Variants in CLPTM1 observed in about 807,000 individuals in gnomAD.
CLPTM1 encodes putative lipid scramblase CLPTM1.
In CLPTM1, 21 loss-of-function variants were observed where a neutral mutation model predicts 77.3. The observed-to-expected ratio is 0.27, with a 90% CI of 0.19 to 0.39. CLPTM1 has a LOEUF of 0.39. Among genes scored for constraint, CLPTM1 ranks in the 10% least tolerant of loss-of-function variants. The pLI is 1.00. For synonymous variants in CLPTM1, 373 were observed against 381.0 expected, an observed-to-expected ratio of 0.98 and a Z score of 0.24; for missense variants, 642 against 921.2, an observed-to-expected ratio of 0.70 and a Z score of 3.92.
intron 3 of CLPTM1, 124 bp from the exon 4 acceptor site, chr19:44,974,315 C>A: frequency 1.1e-6 from 1 of 891,862 alleles, no homozygotes; most frequent in Non-Finnish European, 1.7e-6. Flanking sequence ...CTTCCTCTCT[C>A]CTCTCCCCTG....
chr19:44,967,300 C>G (rs4803784), intron 2 of CLPTM1, among the ~76,000 whole-genome samples: 29,735 of 151,690 alleles, frequency 0.2, 3,144 homozygotes, highest in South Asian at 0.33. Flanking sequence ...GCCTAGGCAA[C>G]AGAGTGAGAC....
At position 44,955,432 on chromosome 19, in the gene CLPTM1, G is replaced by A. The variant is rs1244424165; in HGVS notation, c.37G>A (p.Ala13Thr). 2.0e-5 allele frequency: 27 copies of A among 1,336,094 alleles called. 1 individual carries two copies. In the South Asian group the frequency reaches 4.9e-4, roughly 24 times the overall value. 82.8% of individuals were successfully genotyped at this position (1,336,094 alleles called of 1,614,324 possible). A position where few individuals can be genotyped will look rare whatever the true frequency, so the allele number is the denominator to read the frequency against. ...AAQEADGARS[A>T]VVAAGGGSSG... is the part of the protein sequence containing the mutation. ...GCAGGAGGCGGACGGGGCCCGCAGC[G>A]CCGTGGTGGCGGCCGGGGGAGGCAG... is the stretch of plus-strand genomic sequence containing the variant. Residue 13 changes from alanine to threonine, a missense_variant, in exon 1 of 14, where the codon GCC (alanine) becomes ACC (threonine). Physicochemically the swap from Ala to Thr is moderately conservative, Grantham distance 58. Around this residue, in one of 2 missense-constraint regions of CLPTM1, gnomAD observed 121 missense variants for 120.8 expected, o/e 1.00. Coordinates refer to ENST00000337392, the MANE Select transcript of CLPTM1 (RefSeq NM_001294.4).
upstream of CLPTM1, chr19:44,955,154 G>C (rs1425975170): frequency 7.2e-6 from 11 of 1,535,610 alleles, no homozygotes; most frequent in African/African-American, 1.4e-5. Flanking sequence ...GAAAGTCCTG[G>C]AGTTCGGAGC....
intron 8 of CLPTM1, 128 bp downstream of exon 8, chr19:44,987,551 TC>T: frequency 7.9e-7 from 1 of 1,273,670 alleles, no homozygotes; most frequent in Non-Finnish European, 1.1e-6. Flanking sequence ...TTTCACAACC[TC>T]CCAGGTCCCT....
At chr19:44,968,802 T>C (rs1220328439) in intron 2 of CLPTM1, among the ~76,000 whole-genome samples, 1 of 152,134 alleles carries the variant, frequency 6.6e-6, no homozygotes, top group Non-Finnish European at 1.5e-5. Flanking sequence ...CCCTGGTGTG[T>C]TTACTAAAAT....
intron 1 of CLPTM1, among the ~76,000 whole-genome samples, chr19:44,959,882 T>C (rs1026250081): frequency 6.6e-6 from 1 of 152,198 alleles, no homozygotes; most frequent in Non-Finnish European, 1.5e-5. Context: ...TGACACCTCA[T>C]TGTGGTTTTA....
chr19:44,966,103 A>T (rs761175751), intron 2 of CLPTM1, among the ~76,000 whole-genome samples: 2 of 152,162 alleles, frequency 1.3e-5, no homozygotes. Flanking sequence ...GAGTGAAAAG[A>T]AAAAGCTAAT....
At chr19:44,960,010 T>C (rs1970519800) in intron 1 of CLPTM1, among the ~76,000 whole-genome samples, 1 of 152,168 alleles carries the variant, frequency 6.6e-6, no homozygotes, top group Non-Finnish European at 1.5e-5. Context: ...AAGTGTCCTT[T>C]CCTGACCCCA....
chr19:44,981,962 A>C (rs1335270010), intron 5 of CLPTM1, among the ~76,000 whole-genome samples: 1 of 152,144 alleles, frequency 6.6e-6, no homozygotes, highest in Non-Finnish European at 1.5e-5. Flanking sequence ...ATAATAGTTT[A>C]ATTGAGCTCA....
At chr19:44,969,193 C>T (rs184742075) in intron 2 of CLPTM1, among the ~76,000 whole-genome samples, 7 of 152,270 alleles carry the variant, frequency 4.6e-5, no homozygotes, top group Non-Finnish European at 8.8e-5. Context: ...TGTATATACA[C>T]GCTATATAAA....
chr19:44,990,443 G>T lies in CLPTM1; in HGVS notation c.1181G>T (p.Arg394Leu). The change falls in exon 10 of 14, where the codon CGC (arginine) becomes CTC (leucine). Residue 394 changes from arginine to leucine, a missense_variant. Coordinates refer to ENST00000337392, the MANE Select transcript of CLPTM1 (RefSeq NM_001294.4). The surrounding 1 kb of genome is among the most constrained non-coding windows in gnomAD (Gnocchi z 4.8). ...SRQSLEGLSV[R>L]SVFFGVFQSF... Reference sequence around the variant, plus strand: ...CAGTCCCTGGAGGGCCTGTCCGTGCGCTCCGTCTTCTTCGGCGTTTTCCAG... The same window carrying T: ...CAGTCCCTGGAGGGCCTGTCCGTGCTCTCCGTCTTCTTCGGCGTTTTCCAG... 1 of 1,614,074 alleles carries T rather than the reference G, an allele frequency of 6.2e-7. No individual in the cohort carries two copies. Among genetic ancestry groups the T allele is most frequent in the Non-Finnish European group, 8.5e-7 (1 of 1,179,986 alleles).
chr19:44,958,782 G>A (rs1446508188), intron 1 of CLPTM1, among the ~76,000 whole-genome samples: 1 of 152,204 alleles, frequency 6.6e-6, no homozygotes, highest in Admixed American at 6.5e-5. Flanking sequence ...AGTCTGGTCT[G>A]AGAAAGCTTC....
chr19:44,977,677 C>T (rs1234027636), intron 5 of CLPTM1, among the ~76,000 whole-genome samples: 2 of 152,098 alleles, frequency 1.3e-5, no homozygotes, highest in Non-Finnish European at 2.9e-5. Flanking sequence ...GGGAGACCCA[C>T]GGAGGCTCAG....
At position 44,975,856 on chromosome 19, in the gene CLPTM1, G is replaced by A. The variant is rs4803785; in HGVS notation, c.468+1259G>A. ...TGGGATTACAGGCGTGAGACACCGCGTCCAGCCATCATTCTTTTCTTTTTG... is the reference window on the plus strand; with the variant it reads ...TGGGATTACAGGCGTGAGACACCGCATCCAGCCATCATTCTTTTCTTTTTG... On this transcript the variant is annotated intron_variant, in intron 4 of 13. Transcript: ENST00000337392. 9.1e-4 allele frequency among the ~76,000 whole-genome samples: 139 copies of A among 152,078 alleles called. 1 individual carries two copies. Among genetic ancestry groups the A allele is most frequent in the Admixed American group, 1.4e-3 (21 of 15,256 alleles).
Position 44,985,221 on chromosome 19 carries a change from T to A in CLPTM1, c.590T>A (p.Ile197Asn), listed in dbSNP as rs1170999985. The change falls in exon 6 of 14, where the codon ATC becomes AAC. Residue 197 changes from isoleucine (I) to asparagine (N), a missense_variant. This residue lies in a region of CLPTM1 where 521 missense variants were observed against 800.4 expected (regional missense o/e 0.65). Coordinates refer to ENST00000337392, the MANE Select transcript of CLPTM1 (RefSeq NM_001294.4). ...RLATVHMSRM[I>N]NKYKRRRFQK... ...CTTTCCCACCTCCCAACCACAGTGA[T>A]CAACAAATACAAGCGCAGACGATTT... 1 of 1,612,998 alleles carries A rather than the reference T, an allele frequency of 6.2e-7. No homozygotes were observed.
rs1970551810 is a variant in CLPTM1 at position 44,962,013 on chromosome 19, T to C, written c.123T>C (p.Pro41=). The change falls in exon 2 of 14, where the codon CCT becomes CCC. Residue 41 remains proline (P), a synonymous_variant. Coordinates refer to ENST00000337392, the MANE Select transcript of CLPTM1 (RefSeq NM_001294.4). The part of the protein sequence containing the change: ...IGRDPPAETQ[P]QNPPAQPAPN... ...GGGACCCGCCAGCGGAGACCCAGCC[T>C]CAGAACCCACCGGCCCAGCCGGCAC... The C allele has an allele frequency of 1.2e-6, 2 of 1,611,226 alleles. No individual in the cohort carries two copies. The highest frequency in any genetic ancestry group is 1.7e-6 in the Non-Finnish European group (2 of 1,179,252).
At chr19:44,963,149 C>T (rs1251011611) in intron 2 of CLPTM1, among the ~76,000 whole-genome samples, 3 of 123,924 alleles carry the variant, frequency 2.4e-5, no homozygotes, top group South Asian at 3.0e-4. Context: ...GCAGAGGTTG[C>T]GGTGAGCTGA....
At chr19:44,961,522 C>G (rs934101368) in intron 1 of CLPTM1, among the ~76,000 whole-genome samples, 1 of 152,188 alleles carries the variant, frequency 6.6e-6, no homozygotes, top group African/African-American at 2.4e-5. Context: ...TGTTTCTGCA[C>G]CTGCTGCTTC....
chr19:44,971,468 C>T (rs1178206793), intron 2 of CLPTM1, among the ~76,000 whole-genome samples: 1 of 152,168 alleles, frequency 6.6e-6, no homozygotes, highest in Admixed American at 6.5e-5. Flanking sequence ...CTATCTGCTT[C>T]TCCAAAAATT....
Sources: gnomAD v4.1 joint callset for allele counts (sites outside exome capture counted in the v4.1 genomes callset) on GRCh38, gnomAD v4.1.1 for gene constraint, gnomAD v4.1.1 regional missense constraint, Gnocchi (gnomAD v3.1) non-coding constraint, MANE v1.5 for transcripts, NCBI Gene and HGNC (gene_info 2026-07-23, HGNC 2026-07-21) for gene names.